Variants in EXOC4 observed in about 807,000 individuals in gnomAD.
EXOC4 encodes exocyst complex component 4, also known as SEC8-like 1.
In EXOC4, 71 loss-of-function variants were observed where a neutral mutation model predicts 107.2. That is an observed-to-expected ratio of 0.66 (90% CI 0.55 to 0.81). The LOEUF (loss-of-function observed/expected upper bound fraction) is 0.81. Ranked by LOEUF, EXOC4 falls within the 30% of genes least tolerant of loss-of-function variation. The pLI, the probability that EXOC4 is intolerant of heterozygous loss-of-function variation, is 0.00. For synonymous variants in EXOC4, 456 were observed against 441.2 expected (o/e 1.03, Z -0.42); for missense variants, 1,108 against 1,189.6 (o/e 0.93, Z 1.01).
chr7:133,911,733 T>C (rs1049309783), intron 12 of EXOC4, among the ~76,000 whole-genome samples: 1 of 152,186 alleles, frequency 6.6e-6, no homozygotes, highest in Non-Finnish European at 1.5e-5. Context: ...CACCTACAGA[T>C]CCAACTATTT....
chr7:133,265,051 T>A (rs1474328122), intron 1 of EXOC4, among the ~76,000 whole-genome samples: 2 of 152,186 alleles, frequency 1.3e-5, no homozygotes, highest in Non-Finnish European at 2.9e-5. Context: ...AAAAGCAGTT[T>A]GGGAAAGAAA....
At chr7:133,672,394 A>T (rs1227029529) in intron 10 of EXOC4, among the ~76,000 whole-genome samples, 1 of 151,902 alleles carries the variant, frequency 6.6e-6, no homozygotes, top group African/African-American at 2.4e-5. Context: ...CCGTTTAAAA[A>T]AAAAAAAAAA....
chr7:133,932,109 C>T (rs1451568906), intron 13 of EXOC4, among the ~76,000 whole-genome samples: 1 of 152,224 alleles, frequency 6.6e-6, no homozygotes, highest in East Asian at 1.9e-4. Flanking sequence ...TCTAAATTTT[C>T]TCTCTCCAGT....
At position 133,855,082 on chromosome 7, in the gene EXOC4, A is replaced by AATATATCTAAAT. The variant is rs1554409738; in HGVS notation, c.1734+37544_1734+37545insCTAAATATATAT. ...ATCTAAATATATCTAAATATATCTA[A>AATATATCTAAAT]ATATATATAAATATATATATAAATA... On this transcript the variant is annotated intron_variant, in intron 11 of 17. Transcript: ENST00000253861. Among the ~76,000 whole-genome samples, 6 of 76,754 alleles carry AATATATCTAAAT rather than the reference A, an allele frequency of 7.8e-5. No individual in the cohort carries two copies. The East Asian group carries it at 1.8e-3, about 23-fold the overall frequency. 50.4% of individuals were successfully genotyped at this position (76,754 alleles called of 152,430 possible). A position where few individuals can be genotyped will look rare whatever the true frequency, so the allele number is the denominator to read the frequency against.
At chr7:133,640,851 A>G (rs1312018375) in intron 10 of EXOC4, among the ~76,000 whole-genome samples, 1 of 135,628 alleles carries the variant, frequency 7.4e-6, no homozygotes, top group African/African-American at 2.7e-5. Context: ...GCAACTTAAA[A>G]TCGACATTCT....
At chr7:133,699,002 T>G (rs901535214) in intron 10 of EXOC4, among the ~76,000 whole-genome samples, 1 of 152,224 alleles carries the variant, frequency 6.6e-6, no homozygotes, top group South Asian at 2.1e-4. Context: ...CTAGAAGTAA[T>G]GTTATTGTTT....
At position 133,275,100 on chromosome 7, in the gene EXOC4, T is replaced by C. The variant is rs778941391; in HGVS notation, c.205T>C (p.Leu69=). ...DELIVQHYTE[L]TTAIRTYQSI... is the part of the protein sequence containing the mutation. ...ATTGATTGTACAGCACTACACAGAATTGACGACAGCCATTCGCACATACCA... is the reference window on the plus strand; with the variant it reads ...ATTGATTGTACAGCACTACACAGAACTGACGACAGCCATTCGCACATACCA... The change falls in exon 2 of 18, where the codon TTG becomes CTG. Residue 69 remains leucine, a synonymous_variant. Transcript: ENST00000253861. 6.2e-7 allele frequency: 1 copy of C among 1,613,704 alleles called. No individual in the cohort carries two copies. Among genetic ancestry groups the C allele is most frequent in the Admixed American group, 1.7e-5 (1 of 59,960 alleles).
intron 5 of EXOC4, among the ~76,000 whole-genome samples, chr7:133,323,516 T>C (rs1474239138): frequency 1.3e-5 from 2 of 152,206 alleles, no homozygotes; most frequent in African/African-American, 4.8e-5. Flanking sequence ...ATTATGTTTA[T>C]TGATTTGTGT....
intron 6 of EXOC4, among the ~76,000 whole-genome samples, chr7:133,364,843 G>T (rs1796216254): frequency 6.6e-6 from 1 of 152,190 alleles, no homozygotes; most frequent in South Asian, 2.1e-4. Flanking sequence ...AGAGAAATGT[G>T]AAAGCTGAAA....
chr7:133,599,915 TGG>T (rs66658825), intron 9 of EXOC4, among the ~76,000 whole-genome samples: 1 of 98,584 alleles, frequency 1.0e-5, no homozygotes. Context: ...TTTTTTTTTT[TGG>T]GAGACAGGGT....
chr7:133,872,267 T>A (rs140435180), intron 11 of EXOC4, among the ~76,000 whole-genome samples: 1,842 of 152,326 alleles, frequency 0.012, 47 homozygotes, highest in African/African-American at 0.042. Context: ...TTTTTATAAA[T>A]GCATAGAAAG....
Position 133,997,529 on chromosome 7 carries a change from T to C in EXOC4, c.2244T>C (p.Asp748=), listed in dbSNP as rs1435985963. 6.2e-7 allele frequency: 1 copy of C among 1,613,724 alleles called. No homozygotes were observed. Among genetic ancestry groups the C allele is most frequent in the East Asian group, 2.2e-5 (1 of 44,860 alleles). Residue 748 remains aspartate (D), a synonymous_variant, in exon 15 of 18, where the codon GAT becomes GAC. Coordinates refer to ENST00000253861, the MANE Select transcript of EXOC4 (RefSeq NM_021807.4). ...CTCAAGACAGCCACACGAACACGGA[T>C]CTCCCCCCAGTGTCAGAGCAGATCA... ...SPAQDSHTNT[D]LPPVSEQIMQ... is the part of the protein sequence containing the mutation.
At chr7:133,429,814 G>A (rs888466140) in intron 7 of EXOC4, among the ~76,000 whole-genome samples, 3 of 152,230 alleles carry the variant, frequency 2.0e-5, no homozygotes, top group Non-Finnish European at 4.4e-5. Context: ...TCATGAGACA[G>A]GAGAATTCCC....
At chr7:133,439,314 A>G (rs1798053562) in intron 7 of EXOC4, among the ~76,000 whole-genome samples, 1 of 150,120 alleles carries the variant, frequency 6.7e-6, no homozygotes, top group South Asian at 2.1e-4. Flanking sequence ...CCTCCCAAGT[A>G]GCTGGGATTA....
At chr7:133,938,908 T>C (rs576707126) in intron 14 of EXOC4, among the ~76,000 whole-genome samples, 1 of 152,316 alleles carries the variant, frequency 6.6e-6, no homozygotes, top group Admixed American at 6.5e-5. Flanking sequence ...GTTAAAGCGA[T>C]TCTCATGCTT....
At chr7:134,067,674 C>CACACAG, downstream of EXOC4, among the ~76,000 whole-genome samples, 1 of 22 alleles carries the variant, frequency 0.045, no homozygotes, top group Non-Finnish European at 0.12. Context: ...CACACACACA[C>CACACAG]AGGCAATTGT....
At position 133,844,378 on chromosome 7, in the gene EXOC4, C is replaced by CTTTTTTTTTTTTTTT. The variant is rs761535651; in HGVS notation, c.1734+26850_1734+26864dup. Among the ~76,000 whole-genome samples the CTTTTTTTTTTTTTTT allele has an allele frequency of 8.4e-5, 7 of 83,346 alleles. 1 individual carries two copies. The highest frequency in any genetic ancestry group is 4.0e-4 in the African/African-American group (7 of 17,302). The allele number at this position is 83,346 out of a possible 152,430, so 54.7% of individuals were successfully genotyped here. A position where few individuals can be genotyped will look rare whatever the true frequency, so the allele number is the denominator to read the frequency against. ...TAATTTCTTGGATTCCCACATATTC[C>CTTTTTTTTTTTTTTT]TTTTTTTTTTTTTTTTTTTTTTTTT... On this transcript the variant is annotated intron_variant, in intron 11 of 17. Transcript: ENST00000253861.
At chr7:134,039,501 T>A (rs1795465447) in intron 17 of EXOC4, among the ~76,000 whole-genome samples, 1 of 152,170 alleles carries the variant, frequency 6.6e-6, no homozygotes, top group Non-Finnish European at 1.5e-5. Flanking sequence ...ACATTAGGGA[T>A]CAGAACAGGC....
intron 1 of EXOC4, among the ~76,000 whole-genome samples, chr7:133,273,586 A>G (rs565700415): frequency 6.6e-6 from 1 of 152,164 alleles, no homozygotes; most frequent in Non-Finnish European, 1.5e-5. Flanking sequence ...AACACCTAAC[A>G]AAAAGAATTG....
Sources: allele counts gnomAD v4.1 joint callset (sites outside exome capture counted in the v4.1 genomes callset), GRCh38; gene constraint gnomAD v4.1.1; transcripts MANE v1.5; gene names NCBI Gene and HGNC (gene_info 2026-07-23, HGNC 2026-07-21).